AGAP1: variants seen among roughly 807,000 people sequenced by gnomAD.
AGAP1 encodes ArfGAP with GTPase domain, ankyrin repeat and PH domain 1.
In AGAP1, 29 loss-of-function variants were observed where a neutral mutation model predicts 105.3. The ratio of observed to expected loss-of-function variants is 0.28; its 90% CI spans 0.21 to 0.38. The LOEUF (loss-of-function observed/expected upper bound fraction) is 0.38. AGAP1 is among the 10% of genes least tolerant of loss of function. The pLI is 1.00. For synonymous variants in AGAP1, 509 were observed against 485.9 expected, an observed-to-expected ratio of 1.05 and a Z score of -0.63; for missense variants, 998 against 1,165.1, an observed-to-expected ratio of 0.86 and a Z score of 2.09.
At chr2:235,785,954 G>A (rs77557472) in intron 6 of AGAP1, among the ~76,000 whole-genome samples, 3,148 of 152,270 alleles carry the variant, frequency 0.021, 104 homozygotes, top group African/African-American at 0.072. Flanking sequence ...TTTGCCTGGC[G>A]TGGAAGAGTG....
At position 236,105,787 on chromosome 2, in the gene AGAP1, C is replaced by CG. The variant is rs759110976; in HGVS notation, c.2115-14401dup. On this transcript the variant is annotated intron_variant, in intron 16 of 17. Transcript: ENST00000304032. This position sits in a 1 kb window ranked among gnomAD's most constrained non-coding sequence, Gnocchi z 4.2. ...TTTGTTTTTGTATTTTTAGTAGAGA[C>CG]GGGGTTTCACCATGTTAGCCAGGGT... 2.2e-4 allele frequency among the ~76,000 whole-genome samples: 34 copies of CG among 152,174 alleles called. No homozygotes were observed. The highest frequency in any genetic ancestry group is 1.9e-3 in the South Asian group (9 of 4,818).
chr2:236,088,236 G>A (rs896843157), intron 16 of AGAP1, among the ~76,000 whole-genome samples: 5 of 152,184 alleles, frequency 3.3e-5, no homozygotes, highest in Non-Finnish European at 2.9e-5. Context: ...ACTGAGAGAG[G>A]CCAGCGCTGT....
chr2:236,075,156 G>A (rs1214156063), intron 16 of AGAP1, among the ~76,000 whole-genome samples: 3 of 152,190 alleles, frequency 2.0e-5, no homozygotes, highest in African/African-American at 4.8e-5. Context: ...AAGCGGTTGC[G>A]TCGGTGTGGA....
intron 16 of AGAP1, among the ~76,000 whole-genome samples, chr2:236,068,338 C>T (rs1360714161): frequency 2.6e-5 from 4 of 152,044 alleles, no homozygotes; most frequent in Non-Finnish European, 4.4e-5. Context: ...AAACAAAGGT[C>T]GTTTTGTTCC....
chr2:235,869,782 T>G (rs2106556695), intron 9 of AGAP1, among the ~76,000 whole-genome samples: 1 of 152,352 alleles, frequency 6.6e-6, no homozygotes, highest in East Asian at 1.9e-4. Flanking sequence ...CACAGCTGGC[T>G]GGAGGCTGAC....
intron 16 of AGAP1, among the ~76,000 whole-genome samples, chr2:236,064,394 C>G (rs1168642850): frequency 6.6e-6 from 1 of 152,130 alleles, no homozygotes; most frequent in African/African-American, 2.4e-5. Flanking sequence ...AGTTTGAGAC[C>G]TGCCTGGCCA....
chr2:236,103,593 G>C (rs1349549674), intron 16 of AGAP1, among the ~76,000 whole-genome samples: 1 of 148,560 alleles, frequency 6.7e-6, no homozygotes, highest in Non-Finnish European at 1.5e-5. Context: ...CCCTGAGACA[G>C]AGTCTTGCTG....
chr2:235,698,754 T>C (rs542161034), intron 1 of AGAP1, among the ~76,000 whole-genome samples: 1 of 152,364 alleles, frequency 6.6e-6, no homozygotes, highest in Non-Finnish European at 1.5e-5. Context: ...AGTGTGTTCC[T>C]ACAGTCATTT....
chr2:235,627,192 GTT>G (rs36086999), intron 1 of AGAP1, among the ~76,000 whole-genome samples: 2,658 of 95,400 alleles, frequency 0.028, 40 homozygotes, highest in African/African-American at 0.1. Flanking sequence ...CTGTTTTGAG[GTT>G]TTTTTTTTTT....
chr2:235,878,309 G>C (rs184539712), intron 9 of AGAP1, among the ~76,000 whole-genome samples: 3 of 152,290 alleles, frequency 2.0e-5, no homozygotes, highest in African/African-American at 7.2e-5. Flanking sequence ...TTTAACATAA[G>C]AAGCCATCAC....
At chr2:235,846,729 TGG>T (rs986207999) in intron 9 of AGAP1, among the ~76,000 whole-genome samples, 1 of 152,178 alleles carries the variant, frequency 6.6e-6, no homozygotes, top group African/African-American at 2.4e-5. Flanking sequence ...CTCTAACTCC[TGG>T]GCTCAAGTGA....
intron 11 of AGAP1, among the ~76,000 whole-genome samples, chr2:235,913,816 A>G (rs543166519): frequency 6.6e-6 from 1 of 152,320 alleles, no homozygotes. Flanking sequence ...TAAAATAATA[A>G]AAATAATTCT....
At chr2:235,785,939 G>A (rs1956604220) in intron 6 of AGAP1, among the ~76,000 whole-genome samples, 1 of 152,148 alleles carries the variant, frequency 6.6e-6, no homozygotes, top group Admixed American at 6.6e-5. Context: ...GGGAAGTCCC[G>A]TAGCTTTGCC....
Position 235,867,237 on chromosome 2 carries a change from G to A in AGAP1, c.1051-16108G>A, listed in dbSNP as rs1271393127. Among the ~76,000 whole-genome samples the A allele has an allele frequency of 6.6e-6, 1 of 152,174 alleles. No homozygotes were observed. The highest frequency in any genetic ancestry group is 1.5e-5 in the Non-Finnish European group (1 of 68,024). On this transcript the variant is annotated intron_variant, in intron 9 of 17. Coordinates refer to ENST00000304032, the MANE Select transcript of AGAP1 (RefSeq NM_001037131.3). This position sits in a 1 kb window ranked among gnomAD's most constrained non-coding sequence, Gnocchi z 5.4. ...GTCCTGTAGCAGTCTTCTATAAAAGGCTGGAGAGGAGGTATGTTAGGCTTC... is the reference window on the plus strand; with the variant it reads ...GTCCTGTAGCAGTCTTCTATAAAAGACTGGAGAGGAGGTATGTTAGGCTTC...
At chr2:235,637,623 G>A (rs1022195241) in intron 1 of AGAP1, among the ~76,000 whole-genome samples, 19 of 152,034 alleles carry the variant, frequency 1.2e-4, no homozygotes, top group Non-Finnish European at 1.9e-4. Flanking sequence ...TGGAAAGTTC[G>A]GACCAGTGGG....
At chr2:235,997,909 C>T (rs1255130291) in intron 13 of AGAP1, among the ~76,000 whole-genome samples, 1 of 152,006 alleles carries the variant, frequency 6.6e-6, no homozygotes, top group African/African-American at 2.4e-5. Flanking sequence ...CGTAGCATTT[C>T]GGGGTCTCGG....
rs575181440 is a variant in AGAP1, at chr2:235,980,491, A to G, written c.1645+11868A>G. Reference sequence around the variant, plus strand: ...CCGTCTAATTTCTGTTTAATGATACAGTGTTTGATAATATTTAAGATATCT... The same window carrying G: ...CCGTCTAATTTCTGTTTAATGATACGGTGTTTGATAATATTTAAGATATCT... On this transcript the variant is annotated intron_variant, in intron 13 of 17. Coordinates refer to ENST00000304032, the MANE Select transcript of AGAP1 (RefSeq NM_001037131.3). 4.6e-5 allele frequency among the ~76,000 whole-genome samples: 7 copies of G among 152,260 alleles called. No homozygotes were observed. The East Asian group carries it at 1.4e-3, about 29-fold the overall frequency.
chr2:235,743,028 G>A lies in AGAP1; in HGVS notation c.397-1670G>A, dbSNP rs571027203. On this transcript the variant is annotated intron_variant, in intron 4 of 17. Coordinates refer to ENST00000304032, the MANE Select transcript of AGAP1 (RefSeq NM_001037131.3). ...CTAAAAATACAAAAATTAGCCAGGC[G>A]TGGTGGCACGTGCCTGTAATCCTAG... 5.3e-5 allele frequency among the ~76,000 whole-genome samples: 8 copies of A among 152,278 alleles called. No homozygotes were observed. The South Asian group carries it at 1.5e-3, about 28-fold the overall frequency.
At chr2:235,573,517 G>C (rs1371254575) in intron 1 of AGAP1, among the ~76,000 whole-genome samples, 2 of 152,074 alleles carry the variant, frequency 1.3e-5, no homozygotes, top group African/African-American at 4.8e-5. Context: ...TTCTTATTTA[G>C]TCAGTGTGTA....
Sources: gnomAD v4.1 joint callset for allele counts (sites outside exome capture counted in the v4.1 genomes callset) on GRCh38, gnomAD v4.1.1 for gene constraint, Gnocchi (gnomAD v3.1) non-coding constraint, MANE v1.5 for transcripts, NCBI Gene and HGNC (gene_info 2026-07-23, HGNC 2026-07-21) for gene names.